Variants in ACOT13 observed in about 807,000 individuals in gnomAD.
The protein encoded by ACOT13 is acyl-CoA thioesterase 13, also known as acyl-coenzyme A thioesterase 13.
A neutral mutation model predicts 11.8 loss-of-function variants in ACOT13; 10 were observed. The observed-to-expected ratio is 0.85, with a 90% CI of 0.53 to 1.44. ACOT13 has a LOEUF of 1.44. ACOT13 is among the 40% of genes most tolerant of loss of function. ACOT13 has a pLI of 0.00. For missense variants in ACOT13, 172 were observed against 174.1 expected (o/e 0.99, Z 0.07); for synonymous variants, 53 against 61.0 (o/e 0.87, Z 0.61).
At chr6:24,694,417 C>T (rs932196287) in intron 1 of ACOT13, among the ~76,000 whole-genome samples, 8 of 152,142 alleles carry the variant, frequency 5.3e-5, no homozygotes, top group South Asian at 2.1e-4. Flanking sequence ...TTAAACTTTT[C>T]GACAGTTTCT....
chr6:24,682,420 A>G (rs927073013), intron 1 of ACOT13, among the ~76,000 whole-genome samples: 11 of 152,144 alleles, frequency 7.2e-5, no homozygotes, highest in Non-Finnish European at 1.0e-4. Flanking sequence ...GGCCTCACGG[A>G]TTCCAAGGAA....
intron 1 of ACOT13, among the ~76,000 whole-genome samples, chr6:24,676,730 C>T (rs1246348016): frequency 6.6e-6 from 1 of 152,138 alleles, no homozygotes; most frequent in African/African-American, 2.4e-5. Context: ...AGGGTCCTGC[C>T]TTGCCGCTCT....
chr6:24,693,969 C>T (rs1778756967), intron 1 of ACOT13, among the ~76,000 whole-genome samples: 1 of 152,154 alleles, frequency 6.6e-6, no homozygotes, highest in Admixed American at 6.5e-5. Context: ...AGTGATCTGC[C>T]TGCCTCGGCC....
At chr6:24,669,086 C>A (rs1426789214) in intron 1 of ACOT13, among the ~76,000 whole-genome samples, 2 of 152,194 alleles carry the variant, frequency 1.3e-5, no homozygotes, top group African/African-American at 2.4e-5. Context: ...TATAACTAAA[C>A]CTTGTGAACC....
chr6:24,693,369 G>A (rs1778745774), intron 1 of ACOT13, among the ~76,000 whole-genome samples: 1 of 152,172 alleles, frequency 6.6e-6, no homozygotes, highest in Non-Finnish European at 1.5e-5. Flanking sequence ...TCCTTTATCT[G>A]TTTAGCAGAG....
chr6:24,689,140 C>T (rs903350664), intron 1 of ACOT13, among the ~76,000 whole-genome samples: 1 of 150,208 alleles, frequency 6.7e-6, no homozygotes, highest in African/African-American at 2.5e-5. Context: ...GCCTGGGCAA[C>T]GAGAAAAAGA....
chr6:24,670,049 T>C (rs921228198), intron 1 of ACOT13, among the ~76,000 whole-genome samples: 5 of 152,270 alleles, frequency 3.3e-5, no homozygotes, highest in African/African-American at 1.2e-4. Flanking sequence ...ATAATAAAAA[T>C]TGAAAAAATT....
At chr6:24,675,751 A>T (rs373707426) in intron 1 of ACOT13, among the ~76,000 whole-genome samples, 1 of 152,028 alleles carries the variant, frequency 6.6e-6, no homozygotes, top group African/African-American at 2.4e-5. Context: ...CCCATTTGTC[A>T]ATTTTGGCTT....
At chr6:24,687,705 ATTTTTTTT>A (rs3033242) in intron 1 of ACOT13, 6 of 1,285,656 alleles carry the variant, frequency 4.7e-6, no homozygotes, top group South Asian at 3.5e-5. Flanking sequence ...TAAGAATAGA[ATTTTTTTT>A]TTTTTTTTTT....
At chr6:24,677,023 T>TGCATGCTGAGCACTAGTTCC (rs1325004845) in intron 1 of ACOT13, among the ~76,000 whole-genome samples, 1 of 152,246 alleles carries the variant, frequency 6.6e-6, no homozygotes, top group African/African-American at 2.4e-5. Context: ...CTATTAGTTC[T>TGCATGCTGAGCACTAGTTCC]GCATGCTGAG....
At chr6:24,682,298 C>T (rs1319134776) in intron 1 of ACOT13, among the ~76,000 whole-genome samples, 6 of 152,156 alleles carry the variant, frequency 3.9e-5, no homozygotes, top group Admixed American at 2.0e-4. Context: ...CAAAATGTTA[C>T]CGGGGGTCCT....
chr6:24,672,556 T>A (rs1778381699), intron 1 of ACOT13, among the ~76,000 whole-genome samples: 1 of 152,158 alleles, frequency 6.6e-6, no homozygotes, highest in African/African-American at 2.4e-5. Flanking sequence ...GGAGAATCGC[T>A]TGAAGCCAGG....
rs567802377 is a variant in ACOT13 at position 24,687,641 on chromosome 6, A to C, written c.82-10242A>C. On this transcript the variant is annotated intron_variant, in intron 1 of 2. Coordinates refer to ENST00000230048, the MANE Select transcript of ACOT13 (RefSeq NM_018473.4). ...AGATTTAGGACTGAACCTTAAAGAC[A>C]TACAGGCTTGAGAGAAAGAAAGCAT... 63 of 1,527,534 alleles carry C rather than the reference A, an allele frequency of 4.1e-5. 1 individual carries two copies. The South Asian group carries it at 7.6e-4, about 18-fold the overall frequency. 94.6% of individuals were successfully genotyped at this position (1,527,534 alleles called of 1,614,324 possible). A position where few individuals can be genotyped will look rare whatever the true frequency, so the allele number is the denominator to read the frequency against.
chr6:24,682,497 G>A (rs944347947), intron 1 of ACOT13, among the ~76,000 whole-genome samples: 9 of 152,344 alleles, frequency 5.9e-5, no homozygotes, highest in East Asian at 1.9e-4. Flanking sequence ...GAAGAGAACC[G>A]TGGAACCCAG....
chr6:24,695,488 GGAAA>G (rs1778778742), intron 1 of ACOT13, among the ~76,000 whole-genome samples: 1 of 151,986 alleles, frequency 6.6e-6, no homozygotes. Flanking sequence ...TCTTTTCCCT[GGAAA>G]TATACATTTT....
chr6:24,673,455 GGTTCAAGCAA>G (rs1778393315), intron 1 of ACOT13, among the ~76,000 whole-genome samples: 2 of 152,086 alleles, frequency 1.3e-5, no homozygotes, highest in Admixed American at 6.5e-5. Flanking sequence ...CTGCCTCTTG[GGTTCAAGCAA>G]TTCTTGTGCC....
chr6:24,678,436 T>C (rs1321244213), intron 1 of ACOT13, among the ~76,000 whole-genome samples: 2 of 152,212 alleles, frequency 1.3e-5, no homozygotes, highest in Non-Finnish European at 2.9e-5. Context: ...TGCATGGTTT[T>C]ACTAGGCCTT....
chr6:24,697,792 AGATTC>A (rs1778818654), intron 1 of ACOT13, 86 bp from the exon 2 acceptor site: 2 of 1,031,468 alleles, frequency 1.9e-6, no homozygotes, highest in South Asian at 4.6e-5. Context: ...TTTTTTCAGA[AGATTC>A]AGTTCAATCC....
chr6:24,685,195 A>G (rs1053028497), intron 1 of ACOT13, among the ~76,000 whole-genome samples: 3 of 151,990 alleles, frequency 2.0e-5, no homozygotes, highest in Non-Finnish European at 4.4e-5. Flanking sequence ...GGTACTTTGT[A>G]TTTGCTAATT....
Sources: allele counts gnomAD v4.1 joint callset (sites outside exome capture counted in the v4.1 genomes callset), GRCh38; gene constraint gnomAD v4.1.1; transcripts MANE v1.5; gene names NCBI Gene and HGNC (gene_info 2026-07-23, HGNC 2026-07-21).